Variants in NAV2 observed in about 807,000 individuals in gnomAD.
The protein encoded by NAV2 is helicase, APC down-regulated 1.
A neutral mutation model predicts 223.2 loss-of-function variants in NAV2; 54 were observed. The ratio of observed to expected loss-of-function variants is 0.24; its 90% CI spans 0.19 to 0.30. The LOEUF is 0.30. Ranked by LOEUF, NAV2 falls within the 10% of genes least tolerant of loss-of-function variation. The pLI is 1.00. For synonymous variants in NAV2, 1,279 were observed against 1,239.3 expected, an observed-to-expected ratio of 1.03 and a Z score of -0.67; for missense variants, 2,806 against 3,147.5, an observed-to-expected ratio of 0.89 and a Z score of 2.60.
chr11:20,052,301 A>G (rs565151162), intron 17 of NAV2, among the ~76,000 whole-genome samples: 1 of 152,332 alleles, frequency 6.6e-6, no homozygotes, highest in Admixed American at 6.5e-5. Context: ...CTTCCTTTCA[A>G]TGGGATCCTC....
At chr11:19,460,324 G>C (rs719801) in intron 1 of NAV2, among the ~76,000 whole-genome samples, 44,555 of 151,990 alleles carry the variant, frequency 0.29, 7,581 homozygotes, top group South Asian at 0.41. Flanking sequence ...TTATTTACCA[G>C]TTCTGTGATT....
intron 1 of NAV2, among the ~76,000 whole-genome samples, chr11:19,413,725 T>A (rs968716781): frequency 6.6e-6 from 1 of 152,178 alleles, no homozygotes; most frequent in Non-Finnish European, 1.5e-5. Context: ...ACTGCAGATC[T>A]CTCTGTAGAA....
chr11:19,479,698 T>G (rs757490842), intron 1 of NAV2, among the ~76,000 whole-genome samples: 11 of 152,194 alleles, frequency 7.2e-5, no homozygotes, highest in Non-Finnish European at 1.6e-4. Context: ...AATCAGCCCA[T>G]TAAAATTTGT....
intron 36 of NAV2, among the ~76,000 whole-genome samples, chr11:20,108,496 A>G (rs1288342800): frequency 6.6e-6 from 1 of 152,140 alleles, no homozygotes; most frequent in East Asian, 1.9e-4. Context: ...AGACTGGAGT[A>G]CAGTGGCACA....
intron 1 of NAV2, among the ~76,000 whole-genome samples, chr11:19,536,144 T>C (rs1481354774): frequency 1.3e-5 from 2 of 152,210 alleles, no homozygotes; most frequent in African/African-American, 2.4e-5. Flanking sequence ...ACATGGTCCC[T>C]GTTAATCTTC....
At chr11:19,684,124 G>T (rs1418760521) in intron 1 of NAV2, among the ~76,000 whole-genome samples, 1 of 152,194 alleles carries the variant, frequency 6.6e-6, no homozygotes, top group African/African-American at 2.4e-5. Context: ...CTTCATCTGT[G>T]AAGTGGGGAT....
In NAV2 at chr11:19,855,611, G is replaced by A. The variant is rs966047803; in HGVS notation, c.438+12688G>A. ...TACTTTCCCCTGAAGGAATATGAAG[G>A]CAAGAAGAAAGAGGCATGCATTCCG... On this transcript the variant is annotated intron_variant, in intron 3 of 37. Transcript: ENST00000349880. Among the ~76,000 whole-genome samples, 5 of 152,182 alleles carry A rather than the reference G, an allele frequency of 3.3e-5. No individual in the cohort carries two copies. The East Asian group carries it at 5.8e-4, about 18-fold the overall frequency.
At chr11:19,460,980 T>A (rs953409890) in intron 1 of NAV2, among the ~76,000 whole-genome samples, 1 of 152,110 alleles carries the variant, frequency 6.6e-6, no homozygotes, top group African/African-American at 2.4e-5. Context: ...TACTTCCAGG[T>A]CCTTAGAATT....
chr11:19,697,579 T>G (rs1369062638), intron 1 of NAV2, among the ~76,000 whole-genome samples: 1 of 151,560 alleles, frequency 6.6e-6, no homozygotes, highest in African/African-American at 2.4e-5. Flanking sequence ...AGATGGCTGG[T>G]GCAGGTGGCA....
chr11:20,054,192 T>C lies in NAV2; in HGVS notation c.4594T>C (p.Ser1532Pro), dbSNP rs2058214679. The change falls in exon 18 of 38, where the codon TCC becomes CCC. Residue 1532 changes from serine (S) to proline (P), a missense_variant. Physicochemically the swap from Ser to Pro is moderately conservative, Grantham distance 74. This residue lies in a region of NAV2 where 742 missense variants were observed against 777.9 expected (regional missense o/e 0.95). Coordinates refer to ENST00000349880, the MANE Select transcript of NAV2 (RefSeq NM_145117.5). ...TGCCAATTCCCCCTTTTCCTCTGGC[T>C]CCAGCGTGACTTCTCCCTCCGGAAC... ...TAANSPFSSG[S>P]SVTSPSGTRF... 5 of 1,613,238 alleles carry C rather than the reference T, an allele frequency of 3.1e-6. No homozygotes were observed. The highest frequency in any genetic ancestry group is 4.2e-6 in the Non-Finnish European group (5 of 1,179,890).
intron 1 of NAV2, among the ~76,000 whole-genome samples, chr11:19,404,594 G>C (rs79632817): frequency 0.1 from 15,942 of 151,984 alleles, 1,003 homozygotes; most frequent in Admixed American, 0.15. Flanking sequence ...TTTTTTTTGA[G>C]TATGGTATAC....
chr11:19,443,578 G>A (rs1456449508), intron 1 of NAV2, among the ~76,000 whole-genome samples: 1 of 152,170 alleles, frequency 6.6e-6, no homozygotes, highest in Non-Finnish European at 1.5e-5. Flanking sequence ...GCATCTCTTT[G>A]CATCCTTTTG....
At chr11:19,504,329 C>T (rs2043053838) in intron 1 of NAV2, 1 of 152,206 alleles carries the variant, frequency 6.6e-6, no homozygotes, top group African/African-American at 2.4e-5. Flanking sequence ...CTTTTAGGCT[C>T]ATGATGGTGA....
intron 1 of NAV2, among the ~76,000 whole-genome samples, chr11:19,668,516 G>C (rs1000280264): frequency 1.9e-5 from 2 of 106,752 alleles, no homozygotes; most frequent in African/African-American, 6.9e-5. Context: ...CTGGGCAACA[G>C]AATGAGACTC....
At chr11:20,036,279 C>T (rs186479198) in intron 12 of NAV2, among the ~76,000 whole-genome samples, 182 bp downstream of exon 12, 1 of 152,360 alleles carries the variant, frequency 6.6e-6, no homozygotes, top group African/African-American at 2.4e-5. Context: ...AGGGAGGGGT[C>T]AGGCAGCGGA....
At chr11:19,646,490 C>T (rs893608042) in intron 1 of NAV2, among the ~76,000 whole-genome samples, 1 of 152,152 alleles carries the variant, frequency 6.6e-6, no homozygotes, top group African/African-American at 2.4e-5. Context: ...ACACATGGCT[C>T]ATGACCACAT....
chr11:19,670,125 G>T (rs944002741), intron 1 of NAV2, among the ~76,000 whole-genome samples: 1 of 152,150 alleles, frequency 6.6e-6, no homozygotes, highest in East Asian at 1.9e-4. Context: ...CATATGCCAC[G>T]CACACTGTGT....
At chr11:19,652,128 A>G (rs1183135625) in intron 1 of NAV2, among the ~76,000 whole-genome samples, 1 of 152,168 alleles carries the variant, frequency 6.6e-6, no homozygotes, top group African/African-American at 2.4e-5. Context: ...AATTAAATGA[A>G]GCCTATTAGA....
chr11:19,725,384 G>A (rs2051153078), intron 1 of NAV2, among the ~76,000 whole-genome samples: 1 of 152,162 alleles, frequency 6.6e-6, no homozygotes. Context: ...ACATGCAACT[G>A]AGGACACAGA....
Sources: allele counts gnomAD v4.1 joint callset (sites outside exome capture counted in the v4.1 genomes callset), GRCh38; gene constraint gnomAD v4.1.1; regional missense constraint gnomAD v4.1.1; transcripts MANE v1.5; gene names NCBI Gene and HGNC (gene_info 2026-07-23, HGNC 2026-07-21).